The following COL5A3 variants were observed in gnomAD, a reference collection of about 807,000 sequenced individuals.
The protein encoded by COL5A3 is collagen alpha-3(V) chain.
A neutral mutation model predicts 250.0 loss-of-function variants in COL5A3; 172 were observed. The observed-to-expected ratio is 0.69, with a 90% CI of 0.61 to 0.78. COL5A3 has a LOEUF of 0.78. COL5A3 is among the 30% of genes least tolerant of loss of function. The pLI, the probability that COL5A3 is intolerant of heterozygous loss-of-function variation, is 0.00. For synonymous variants in COL5A3, 937 were observed against 900.4 expected (o/e 1.04, Z -0.73); for missense variants, 2,340 against 2,334.4 (o/e 1.00, Z -0.05).
intron 31 of COL5A3, among the ~76,000 whole-genome samples, chr19:9,983,599 A>G (rs1220793097): frequency 1.1e-5 from 1 of 93,740 alleles, no homozygotes; most frequent in Non-Finnish European, 2.2e-5. Context: ...AAAGAAAGAA[A>G]GAGAAAGAGA....
chr19:9,995,194 C>T (rs73005193), intron 16 of COL5A3, among the ~76,000 whole-genome samples: 1,575 of 152,302 alleles, frequency 0.01, 11 homozygotes, highest in Non-Finnish European at 0.014. Flanking sequence ...AGGCATGAGC[C>T]ACTGCGCGCA....
In COL5A3 at chr19:10,005,940, C is replaced by T. The variant is rs756193823; in HGVS notation, c.293G>A (p.Gly98Glu). Residue 98 changes from glycine to glutamate, a missense_variant, in exon 3 of 67, where the codon GGA (glycine) becomes GAA (glutamate). Gly to Glu is a moderately conservative substitution (Grantham distance 98). This residue lies in a region of COL5A3 where 1,152 missense variants were observed against 1,146.3 expected (regional missense o/e 1.00). Transcript: ENST00000264828. Reference sequence around the variant, plus strand: ...CAGGACAGACTGATTGGCTGGCTGTCCCCGCAAGGTGATCAGCAAGGAGAA... The same window carrying T: ...CAGGACAGACTGATTGGCTGGCTGTTCCCGCAAGGTGATCAGCAAGGAGAA... Reference protein sequence around the residue: ...ENFSLLITLRGQPANQSVLLS... With the variant: ...ENFSLLITLREQPANQSVLLS... 5 of 1,613,946 alleles carry T rather than the reference C, an allele frequency of 3.1e-6. No homozygotes were observed. Among genetic ancestry groups the T allele is most frequent in the Non-Finnish European group, 4.2e-6 (5 of 1,180,002 alleles).
chr19:9,998,865 A>G, intron 8 of COL5A3, among the ~76,000 whole-genome samples: 1 of 151,424 alleles, frequency 6.6e-6, no homozygotes, highest in Non-Finnish European at 1.5e-5. Context: ...TTGTATTTTT[A>G]GTAGAGACCA....
chr19:9,962,694 G>A (rs933227529), intron 65 of COL5A3, 125 bp downstream of exon 65: 29 of 661,104 alleles, frequency 4.4e-5, no homozygotes, highest in African/African-American at 1.3e-4. Flanking sequence ...TCCAGCTTGC[G>A]ATCCCTAGGA....
rs1199172656 is a variant in COL5A3 at position 9,973,576 on chromosome 19, G to T, written c.3660C>A (p.Gly1220=). Residue 1220 remains glycine (G), a synonymous_variant, in exon 50 of 67, where the codon GGC becomes GGA. Coordinates refer to ENST00000264828, the MANE Select transcript of COL5A3 (RefSeq NM_015719.4). Reference sequence around the variant, plus strand: ...ACATCACACAGTCACTCACCGGGATGCCTGGGGCTCCTGGAGGCCCTGGGT... The same window carrying T: ...ACATCACACAGTCACTCACCGGGATTCCTGGGGCTCCTGGAGGCCCTGGGT... ...AGDPGPPGAP[G]IPGPKGDIGE... 6 of 1,612,256 alleles carry T rather than the reference G, an allele frequency of 3.7e-6. No homozygotes were observed. Among genetic ancestry groups the T allele is most frequent in the Non-Finnish European group, 5.1e-6 (6 of 1,179,166 alleles).
At chr19:9,994,930 A>T (rs528816490) in intron 16 of COL5A3, among the ~76,000 whole-genome samples, 82 of 151,858 alleles carry the variant, frequency 5.4e-4, no homozygotes, top group African/African-American at 1.2e-3. Flanking sequence ...TATTATTATT[A>T]TTTTTTGAGA....
chr19:9,998,330 A>T (rs997121361), intron 8 of COL5A3, among the ~76,000 whole-genome samples, 181 bp from the exon 9 acceptor site: 2 of 152,048 alleles, frequency 1.3e-5, no homozygotes, highest in Non-Finnish European at 2.9e-5. Flanking sequence ...CCCCGCATCC[A>T]CCGGGCAATG....
chr19:9,994,867 G>A (rs1165767705), intron 16 of COL5A3, among the ~76,000 whole-genome samples: 1 of 151,704 alleles, frequency 6.6e-6, no homozygotes, highest in Non-Finnish European at 1.5e-5. Flanking sequence ...AAATGGTACA[G>A]TAAAAATACA....
rs368540223 is a variant in COL5A3, at chr19:10,005,791, C to A, written c.437+5G>T. The A allele has an allele frequency of 5.6e-6, 9 of 1,607,780 alleles. No individual in the cohort carries two copies. The highest frequency in any genetic ancestry group is 2.7e-5 in the African/African-American group (2 of 74,862). On this transcript the variant is annotated splice_donor_5th_base_variant and intron_variant, in intron 3 of 66. Transcript: ENST00000264828. Reference sequence around the variant, plus strand: ...CGGACCCCCGCCCACTCTCCCCATGCTCACCTGCCATCTGTGAGGTTGACC... The same window carrying A: ...CGGACCCCCGCCCACTCTCCCCATGATCACCTGCCATCTGTGAGGTTGACC...
chr19:9,990,711 C>T lies in COL5A3; in HGVS notation c.1992+899G>A, dbSNP rs372896786. Reference sequence around the variant, plus strand: ...CCGAGTAGCTGGGACTACAGGCGCGCGCCACCACGCCCGGCTAATTTTTTG... The same window carrying T: ...CCGAGTAGCTGGGACTACAGGCGCGTGCCACCACGCCCGGCTAATTTTTTG... On this transcript the variant is annotated intron_variant, in intron 24 of 66. Coordinates refer to ENST00000264828, the MANE Select transcript of COL5A3 (RefSeq NM_015719.4). Among the ~76,000 whole-genome samples, 36 of 151,956 alleles carry T rather than the reference C, an allele frequency of 2.4e-4. 1 individual carries two copies. Among genetic ancestry groups the T allele is most frequent in the African/African-American group, 6.5e-4 (27 of 41,432 alleles).
chr19:9,968,126 C>A lies in COL5A3; in HGVS notation c.4315-47G>T. 6.6e-7 allele frequency: 1 copy of A among 1,523,090 alleles called. No homozygotes were observed. 94.3% of individuals were successfully genotyped at this position (1,523,090 alleles called of 1,614,324 possible). ...AGTATTGGTGGGGTACACCCTATTG[C>A]CCTGACACATCCCCCAGACAAGCCT... On this transcript the variant is annotated intron_variant, in intron 59 of 66. Coordinates refer to ENST00000264828, the MANE Select transcript of COL5A3 (RefSeq NM_015719.4). This position sits in a 1 kb window ranked among gnomAD's most constrained non-coding sequence, Gnocchi z 4.1.
intron 24 of COL5A3, among the ~76,000 whole-genome samples, chr19:9,991,134 C>T (rs535375311): frequency 2.6e-4 from 39 of 152,238 alleles, no homozygotes; most frequent in African/African-American, 8.4e-4. Flanking sequence ...CCCAGCTACT[C>T]GGGTGGATGA....
Position 9,960,818 on chromosome 19 carries a change from T to C in COL5A3, c.4924A>G (p.Thr1642Ala), listed in dbSNP as rs1400031175. ...QLNFLKLLSA[T>A]ARQNFTYSCQ... ...GAGTAGGTGAAGTTCTGGCGAGCTG[T>C]GGCACTCAGCAGTTTCAGGAAGTTC... The change falls in exon 66 of 67, where the codon ACA becomes GCA. Residue 1642 changes from threonine to alanine, a missense_variant. By Grantham distance (58) the Thr-to-Ala change is moderately conservative. Around this residue, in one of 3 missense-constraint regions of COL5A3, gnomAD observed 1,179 missense variants for 1,162.6 expected, o/e 1.01. Coordinates refer to ENST00000264828, the MANE Select transcript of COL5A3 (RefSeq NM_015719.4). 6.2e-7 allele frequency: 1 copy of C among 1,613,392 alleles called. No homozygotes were observed. Among genetic ancestry groups the C allele is most frequent in the African/African-American group, 1.3e-5 (1 of 74,914 alleles).
chr19:10,006,668 C>G (rs1599233181), intron 1 of COL5A3, among the ~76,000 whole-genome samples: 1 of 152,072 alleles, frequency 6.6e-6, no homozygotes, highest in East Asian at 1.9e-4. Flanking sequence ...CTTCCCCCAC[C>G]TCCTCCCTCT....
At chr19:9,993,164 T>G (rs2087219383) in intron 19 of COL5A3, 97 bp from the exon 20 acceptor site, 2 of 1,334,556 alleles carry the variant, frequency 1.5e-6, no homozygotes, top group East Asian at 4.6e-5. Flanking sequence ...GTCTCGGAAT[T>G]AGACCAGGAT....
In COL5A3 at chr19:9,976,568, G is replaced by T. The variant is rs192893769; in HGVS notation, c.3332C>A (p.Pro1111Gln). ...GATGGGGGCACTCACCGGGGGACCTGGGTGTCCTGCAGGACCCCGTATCCC... is the reference window on the plus strand; with the variant it reads ...GATGGGGGCACTCACCGGGGGACCTTGGTGTCCTGCAGGACCCCGTATCCC... ...QPGIRGPAGHPGPPGADGAQG... is the reference protein window; with the variant it reads ...QPGIRGPAGHQGPPGADGAQG... The change falls in exon 45 of 67, where the codon CCA becomes CAA. Residue 1111 changes from proline (P) to glutamine (Q), a missense_variant. By Grantham distance (76) the Pro-to-Gln change is moderately conservative. This residue lies in a region of COL5A3 where 1,179 missense variants were observed against 1,162.6 expected (regional missense o/e 1.01). Transcript: ENST00000264828. 11 of 1,568,414 alleles carry T rather than the reference G, an allele frequency of 7.0e-6. No individual in the cohort carries two copies. In the Admixed American group the frequency reaches 2.3e-4, roughly 32 times the overall value.
chr19:9,989,093 A>C (rs1240093642), intron 27 of COL5A3, 31 bp downstream of exon 27: 2 of 1,610,566 alleles, frequency 1.2e-6, no homozygotes, highest in African/African-American at 2.7e-5. Flanking sequence ...AAAGCTGGTA[A>C]ATCACTCATA....
chr19:9,966,796 G>T, intron 62 of COL5A3, 50 bp from the exon 63 acceptor site: 1 of 1,393,942 alleles, frequency 7.2e-7, no homozygotes, highest in Non-Finnish European at 9.7e-7. Context: ...GGGGGAGGGA[G>T]AGAGAGGGAG....
Position 10,006,238 on chromosome 19 carries a change from C to A in COL5A3, c.89-7G>T. ...TTCAGGACATCCACAGGATCTGCAG[C>A]AGAGAGAAGCCGGGGGTGTCAGGCA... On this transcript the variant is annotated splice_polypyrimidine_tract_variant and splice_region_variant and intron_variant, in intron 1 of 66. Coordinates refer to ENST00000264828, the MANE Select transcript of COL5A3 (RefSeq NM_015719.4). The A allele has an allele frequency of 5.0e-6, 8 of 1,588,730 alleles. No homozygotes were observed. The highest frequency in any genetic ancestry group is 6.8e-6 in the Non-Finnish European group (8 of 1,167,988).
Sources: gnomAD v4.1 joint callset for allele counts (sites outside exome capture counted in the v4.1 genomes callset) on GRCh38, gnomAD v4.1.1 for gene constraint, gnomAD v4.1.1 regional missense constraint, Gnocchi (gnomAD v3.1) non-coding constraint, MANE v1.5 for transcripts, NCBI Gene and HGNC (gene_info 2026-07-23, HGNC 2026-07-21) for gene names.